NCAPD3: variants seen among roughly 807,000 people sequenced by gnomAD.
NCAPD3 encodes the protein non-SMC condensin II complex subunit D3.
In NCAPD3, 105 loss-of-function variants were observed where a neutral mutation model predicts 182.9. The ratio of observed to expected loss-of-function variants is 0.57; its 90% CI spans 0.49 to 0.68. The LOEUF is 0.68. Ranked by LOEUF, NCAPD3 falls within the 30% of genes least tolerant of loss-of-function variation. The probability of loss-of-function intolerance (pLI) is 0.00; values close to 1 mark genes in which losing one functional copy is unlikely to be tolerated. For missense variants in NCAPD3, 1,944 were observed against 1,837.0 expected (o/e 1.06, Z -1.07); for synonymous variants, 815 against 679.9 (o/e 1.20, Z -3.09).
At position 134,157,996 on chromosome 11, in the gene NCAPD3, C is replaced by T. The variant is rs576684126; in HGVS notation, c.4106G>A (p.Arg1369Gln). 35 of 1,614,182 alleles carry T rather than the reference C, an allele frequency of 2.2e-5. No homozygotes were observed. The highest frequency in any genetic ancestry group is 1.6e-4 in the Middle Eastern group (1 of 6,062). The change falls in exon 31 of 35, where the codon CGG becomes CAG. Residue 1369 changes from arginine to glutamine, a missense_variant. Transcript: ENST00000534548. ...AGGCAGCACTCCTAAGCTCCGACTC[C>T]GATGCCTGCTCTTTGACTCCACGGC... ...KKAVESKSRH[R>Q]SRSLGVLPFT...
At chr11:134,165,021 G>C (rs1044959834) in intron 27 of NCAPD3, among the ~76,000 whole-genome samples, 2 of 150,596 alleles carry the variant, frequency 1.3e-5, no homozygotes, top group South Asian at 2.1e-4. Context: ...ACACCCACTT[G>C]TGAGATGAGC....
chr11:134,201,549 G>C (rs1034251354), intron 13 of NCAPD3, among the ~76,000 whole-genome samples: 1 of 152,170 alleles, frequency 6.6e-6, no homozygotes, highest in Non-Finnish European at 1.5e-5. Flanking sequence ...AAAAAGCAAA[G>C]AGAGCAAAGT....
intron 23 of NCAPD3, among the ~76,000 whole-genome samples, chr11:134,176,633 T>C (rs1944174536): frequency 6.6e-6 from 1 of 152,214 alleles, no homozygotes; most frequent in African/African-American, 2.4e-5. Flanking sequence ...CCTCTATTTA[T>C]AATACGGTTC....
At chr11:134,163,567 G>T (rs1591823840) in intron 27 of NCAPD3, among the ~76,000 whole-genome samples, 1 of 152,038 alleles carries the variant, frequency 6.6e-6, no homozygotes, top group Non-Finnish European at 1.5e-5. Context: ...GGCCGTGGTG[G>T]CTGGTGCCTG....
chr11:134,208,140 C>A (rs1038187861), intron 7 of NCAPD3, among the ~76,000 whole-genome samples: 1 of 152,190 alleles, frequency 6.6e-6, no homozygotes, highest in African/African-American at 2.4e-5. Context: ...CGGAACCCCC[C>A]AAGCATCCCC....
intron 27 of NCAPD3, among the ~76,000 whole-genome samples, chr11:134,165,799 A>C (rs1258813171): frequency 3.2e-4 from 24 of 74,900 alleles, no homozygotes; most frequent in East Asian, 2.1e-3. Context: ...CTTAGGGGAG[A>C]TGCACACTCA....
chr11:134,180,332 C>T (rs897620408), intron 20 of NCAPD3, among the ~76,000 whole-genome samples: 1 of 152,048 alleles, frequency 6.6e-6, no homozygotes, highest in Non-Finnish European at 1.5e-5. Flanking sequence ...AAGACGTGCT[C>T]CACTAATTTA....
intron 32 of NCAPD3, among the ~76,000 whole-genome samples, chr11:134,156,691 C>T (rs900625467): frequency 6.7e-6 from 1 of 150,032 alleles, no homozygotes; most frequent in African/African-American, 2.5e-5. Context: ...TGCACCCGGA[C>T]AGCCCAGAGA....
intron 16 of NCAPD3, among the ~76,000 whole-genome samples, chr11:134,188,642 G>A (rs1292967395): frequency 6.6e-6 from 1 of 152,126 alleles, no homozygotes; most frequent in African/African-American, 2.4e-5. Context: ...CACTACGAAG[G>A]TCTGCGGCCT....
intron 1 of NCAPD3, among the ~76,000 whole-genome samples, 177 bp downstream of exon 1, chr11:134,223,686 C>T (rs556985937): frequency 6.6e-6 from 1 of 152,324 alleles, no homozygotes; most frequent in East Asian, 1.9e-4. Flanking sequence ...TGAGCCCCCA[C>T]GGGAAACCTG....
intron 15 of NCAPD3, 49 bp downstream of exon 15, chr11:134,193,967 T>A (rs1309287220): frequency 2.6e-6 from 4 of 1,556,118 alleles, no homozygotes; most frequent in Non-Finnish European, 3.5e-6. Context: ...GTGGAATTAC[T>A]TTTAATGTAA....
At chr11:134,167,100 T>C (rs1337956501) in intron 27 of NCAPD3, among the ~76,000 whole-genome samples, 2 of 94,246 alleles carry the variant, frequency 2.1e-5, no homozygotes, top group Admixed American at 1.0e-4. Flanking sequence ...TGAGATGAGC[T>C]TGGGGGAGCT....
At chr11:134,212,354 G>A (rs968022893) in intron 3 of NCAPD3, among the ~76,000 whole-genome samples, 2 of 145,636 alleles carry the variant, frequency 1.4e-5, no homozygotes, top group Non-Finnish European at 3.0e-5. Context: ...GAGGAGAAAG[G>A]AAAATATACT....
intron 16 of NCAPD3, among the ~76,000 whole-genome samples, chr11:134,190,076 T>C (rs1257726005): frequency 2.0e-5 from 3 of 152,346 alleles, no homozygotes; most frequent in Middle Eastern, 3.4e-3. Context: ...GATTTCGATA[T>C]ACCATGCTTT....
At chr11:134,199,164 A>C (rs1467632108) in intron 13 of NCAPD3, among the ~76,000 whole-genome samples, 13 of 152,224 alleles carry the variant, frequency 8.5e-5, no homozygotes, top group Admixed American at 8.5e-4. Context: ...GGACAGGAGG[A>C]GAACTCATAC....
Position 134,176,432 on chromosome 11 carries a change from C to A in NCAPD3, c.3022-46G>T, listed in dbSNP as rs751145628. On this transcript the variant is annotated intron_variant, in intron 23 of 34. Transcript: ENST00000534548. ...ATGTTTCAGAGTGCGTCATCATGGGCAAGCCTCACTGTTCCCAGCCACACC... is the reference window on the plus strand; with the variant it reads ...ATGTTTCAGAGTGCGTCATCATGGGAAAGCCTCACTGTTCCCAGCCACACC... 5.8e-6 allele frequency: 9 copies of A among 1,542,062 alleles called. No homozygotes were observed. The Middle Eastern group carries it at 5.1e-4, about 87-fold the overall frequency.
intron 2 of NCAPD3, among the ~76,000 whole-genome samples, chr11:134,217,971 A>T (rs993016943): frequency 1.3e-5 from 2 of 151,950 alleles, no homozygotes; most frequent in Non-Finnish European, 2.9e-5. Context: ...GGTGGCACAC[A>T]CCTGTAGTCC....
chr11:134,220,222 T>C (rs1285002328), intron 2 of NCAPD3, among the ~76,000 whole-genome samples: 2 of 151,896 alleles, frequency 1.3e-5, no homozygotes, highest in Admixed American at 1.3e-4. Context: ...GGTTTTGCCA[T>C]GTTGCCCAGG....
In NCAPD3 at chr11:134,168,977, A is replaced by T; in HGVS notation, c.3179T>A (p.Ile1060Asn). The T allele has an allele frequency of 6.2e-7, 1 of 1,614,040 alleles. No individual in the cohort carries two copies. Among genetic ancestry groups the T allele is most frequent in the South Asian group, 1.1e-5 (1 of 91,066 alleles). The change falls in exon 25 of 35, where the codon ATT (isoleucine) becomes AAT (asparagine). Residue 1060 changes from isoleucine to asparagine, a missense_variant. By Grantham distance (149) the Ile-to-Asn change is moderately radical. Transcript: ENST00000534548. ...CTTCTCATAGTTATTAAAGTGAAAA[A>T]TACATTCAATGAAGTGTTGGAAGAA... is the stretch of plus-strand genomic sequence containing the variant. ...VMFFQHFIEC[I>N]FHFNNYEKHE...
Sources: allele counts gnomAD v4.1 joint callset (sites outside exome capture counted in the v4.1 genomes callset), GRCh38; gene constraint gnomAD v4.1.1; transcripts MANE v1.5; gene names NCBI Gene and HGNC (gene_info 2026-07-23, HGNC 2026-07-21).